Variants in PCDHA2 observed in about 807,000 individuals in gnomAD.
The protein encoded by PCDHA2 is protocadherin alpha 2, also known as protocadherin alpha-2.
Under a neutral mutation model 66.0 loss-of-function variants are expected in PCDHA2, and 58 were observed. The ratio of observed to expected loss-of-function variants is 0.88; its 90% CI spans 0.71 to 1.09. The LOEUF is 1.09. Among genes scored for constraint, PCDHA2 ranks in the 50% least tolerant of loss-of-function variants. The probability of loss-of-function intolerance (pLI) is 0.00; values close to 1 mark genes in which losing one functional copy is unlikely to be tolerated. For synonymous variants in PCDHA2, 634 were observed against 554.0 expected (o/e 1.14, Z -2.03); for missense variants, 1,267 against 1,242.3 (o/e 1.02, Z -0.30).
intron 1 of PCDHA2, among the ~76,000 whole-genome samples, chr5:140,933,324 G>A (rs563163291): frequency 5.3e-5 from 8 of 151,904 alleles, no homozygotes; most frequent in Non-Finnish European, 1.2e-4. Context: ...GTATTCTCCT[G>A]TGCTGTAGAG....
At chr5:140,869,347 G>C (rs782437200) in intron 1 of PCDHA2, 1 of 1,614,082 alleles carries the variant, frequency 6.2e-7, no homozygotes, top group Non-Finnish European at 8.5e-7. Context: ...TCTGCAGAAT[G>C]GCATTTTGTT....
chr5:140,961,054 T>C (rs1290831214), intron 1 of PCDHA2, among the ~76,000 whole-genome samples: 2 of 152,136 alleles, frequency 1.3e-5, no homozygotes, highest in African/African-American at 4.8e-5. Context: ...AACAAAATGT[T>C]GAATGGGATA....
intron 1 of PCDHA2, chr5:140,807,906 C>T: frequency 6.2e-7 from 1 of 1,614,074 alleles, no homozygotes; most frequent in Non-Finnish European, 8.5e-7. Context: ...GACAATGCCC[C>T]AGCTTTTGAC....
chr5:140,939,028 C>T (rs1231920381), intron 1 of PCDHA2, among the ~76,000 whole-genome samples: 6 of 152,098 alleles, frequency 3.9e-5, no homozygotes, highest in East Asian at 1.9e-4. Context: ...TTTACTTATT[C>T]GGAAGAGTTG....
intron 1 of PCDHA2, among the ~76,000 whole-genome samples, chr5:140,826,067 T>C (rs2150142384): frequency 9.2e-5 from 14 of 152,216 alleles, no homozygotes; most frequent in Non-Finnish European, 1.5e-4. Flanking sequence ...TTTATTCTCA[T>C]ATGCATTCAA....
intron 1 of PCDHA2, chr5:140,877,748 G>C: frequency 6.2e-7 from 1 of 1,614,188 alleles, no homozygotes; most frequent in Non-Finnish European, 8.5e-7. Flanking sequence ...CAGAGGGTGT[G>C]CTCTGCAGAG....
At chr5:141,005,826 A>T (rs1283643370) in intron 3 of PCDHA2, among the ~76,000 whole-genome samples, 4 of 151,340 alleles carry the variant, frequency 2.6e-5, no homozygotes, top group Admixed American at 6.6e-5. Flanking sequence ...GGTGGCCTGT[A>T]GTCCCAGCCA....
At chr5:140,929,545 A>T in intron 1 of PCDHA2, 1 of 514,856 alleles carries the variant, frequency 1.9e-6, no homozygotes, top group Non-Finnish European at 3.2e-6. Context: ...ACAAGGGCAA[A>T]AATTAAAACC....
At chr5:140,979,704 T>C (rs1430662594) in intron 2 of PCDHA2, among the ~76,000 whole-genome samples, 1 of 152,246 alleles carries the variant, frequency 6.6e-6, no homozygotes, top group Non-Finnish European at 1.5e-5. Context: ...TTTCTGGAGG[T>C]GATCCAGTAT....
intron 1 of PCDHA2, chr5:140,875,581 G>A (rs1158750138): frequency 6.8e-6 from 11 of 1,613,944 alleles, no homozygotes; most frequent in African/African-American, 4.0e-5. Context: ...CTCCGTCTAC[G>A]AGGAGGCCAA....
intron 1 of PCDHA2, chr5:140,830,053 C>T (rs2150180331): frequency 4.3e-6 from 7 of 1,613,618 alleles, no homozygotes; most frequent in Non-Finnish European, 2.5e-6. Flanking sequence ...TGAAAGACCA[C>T]GGTGAGCCGG....
chr5:140,905,957 G>A (rs993962295), intron 1 of PCDHA2, among the ~76,000 whole-genome samples: 1 of 152,200 alleles, frequency 6.6e-6, no homozygotes, highest in South Asian at 2.1e-4. Context: ...CGATGTTCAA[G>A]GGGAGGAAGA....
At chr5:140,834,495 G>A in intron 1 of PCDHA2, 1 of 1,614,142 alleles carries the variant, frequency 6.2e-7, no homozygotes, top group Non-Finnish European at 8.5e-7. Context: ...GGTCCCCGAG[G>A]AGGCTAAACA....
At chr5:140,814,785 G>A (rs1269802125) in intron 1 of PCDHA2, 1 of 152,126 alleles carries the variant, frequency 6.6e-6, no homozygotes, top group Non-Finnish European at 1.5e-5. Context: ...TGGTTGAAAC[G>A]TTGTTATACA....
At chr5:140,834,455 G>A (rs1554134225) in intron 1 of PCDHA2, 5 of 1,614,018 alleles carry the variant, frequency 3.1e-6, no homozygotes, top group Non-Finnish European at 4.2e-6. Context: ...TAGCAGCTTG[G>A]GAGGCAGGGA....
chr5:141,006,974 G>A (rs782657772), intron 3 of PCDHA2, among the ~76,000 whole-genome samples: 6 of 152,174 alleles, frequency 3.9e-5, no homozygotes, highest in Admixed American at 3.9e-4. Context: ...GGAGCACAGA[G>A]AGATGTGGGC....
At position 140,796,368 on chromosome 5, in the gene PCDHA2, C is replaced by T. The variant is rs1385360664; in HGVS notation, c.1404C>T (p.Asn468=). ...PEYTVFVKEN[N]PPGCHIFTVS... ...ACACAGTATTCGTGAAGGAGAACAA[C>T]CCGCCGGGCTGCCACATCTTCACGG... The change falls in exon 1 of 4, where the codon AAC becomes AAT. Residue 468 remains asparagine, a synonymous_variant. Transcript: ENST00000526136. 4 of 1,613,296 alleles carry T rather than the reference C, an allele frequency of 2.5e-6. No individual in the cohort carries two copies. The highest frequency in any genetic ancestry group is 3.4e-6 in the Non-Finnish European group (4 of 1,179,818).
intron 1 of PCDHA2, chr5:140,841,254 A>T: frequency 6.6e-7 from 1 of 1,510,716 alleles, no homozygotes. Flanking sequence ...GGATTAAAAG[A>T]CTCTGAAAGT....
At chr5:141,009,462 A>G (rs1279658091) in intron 3 of PCDHA2, 165 bp from the exon 4 acceptor site, 2 of 954,512 alleles carry the variant, frequency 2.1e-6, no homozygotes, top group Non-Finnish European at 2.5e-6. Flanking sequence ...TAAACAAATA[A>G]ATAAATAAGT....
Sources: allele counts gnomAD v4.1 joint callset (sites outside exome capture counted in the v4.1 genomes callset), GRCh38; gene constraint gnomAD v4.1.1; transcripts MANE v1.5; gene names NCBI Gene and HGNC (gene_info 2026-07-23, HGNC 2026-07-21).